Variants in CC2D2A observed in about 807,000 individuals in gnomAD.
CC2D2A encodes coiled-coil and C2 domain-containing protein 2A.
Under a neutral mutation model 212.9 loss-of-function variants are expected in CC2D2A, and 155 were observed. The ratio of observed to expected loss-of-function variants is 0.73; its 90% CI spans 0.64 to 0.83. CC2D2A has a LOEUF of 0.83. Ranked by LOEUF, CC2D2A falls within the 40% of genes least tolerant of loss-of-function variation. CC2D2A has a pLI of 0.00. For missense variants in CC2D2A, 1,856 were observed against 1,956.2 expected (o/e 0.95, Z 0.97); for synonymous variants, 667 against 686.5 (o/e 0.97, Z 0.44).
chr4:15,600,754 T>C (rs1721552286), intron 36 of CC2D2A, among the ~76,000 whole-genome samples: 1 of 151,588 alleles, frequency 6.6e-6, no homozygotes. Flanking sequence ...ATACAAAAAG[T>C]AGCCAGGATG....
intron 11 of CC2D2A, among the ~76,000 whole-genome samples, chr4:15,518,029 G>C (rs948119015): frequency 7.2e-5 from 11 of 152,208 alleles, no homozygotes; most frequent in African/African-American, 2.4e-4. Flanking sequence ...TGAAACCTGG[G>C]AATTGTGGGA....
At position 15,596,074 on chromosome 4, in the gene CC2D2A, GTCTT is replaced by G. The variant is rs926806639; in HGVS notation, c.4315-6_4315-3del. 15 of 1,539,880 alleles carry G rather than the reference GTCTT, an allele frequency of 9.7e-6. No individual in the cohort carries two copies. The highest frequency in any genetic ancestry group is 2.5e-5 in the East Asian group (1 of 40,730). ...CTAACATATATGCTAATGTAGTCTT[GTCTT>G]TCTTAGATTTGGTTTAATATTCAAC... is the stretch of plus-strand genomic sequence containing the variant. On this transcript the variant is annotated splice_polypyrimidine_tract_variant and splice_region_variant and intron_variant, in intron 33 of 36. Coordinates refer to ENST00000424120, the MANE Select transcript of CC2D2A (RefSeq NM_001378615.1).
At chr4:15,522,540 G>T (rs33998592) in intron 11 of CC2D2A, among the ~76,000 whole-genome samples, 44,899 of 151,176 alleles carry the variant, frequency 0.3, 7,527 homozygotes, top group Non-Finnish European at 0.39. Flanking sequence ...GGGGGAAAAG[G>T]GTAGTTTTTA....
intron 4 of CC2D2A, among the ~76,000 whole-genome samples, chr4:15,488,323 G>A (rs1455186540): frequency 6.6e-6 from 1 of 152,080 alleles, no homozygotes; most frequent in Non-Finnish European, 1.5e-5. Flanking sequence ...TAACTTTGCT[G>A]GATATAATAC....
In CC2D2A at chr4:15,597,407, C is replaced by T. The variant is rs794727589; in HGVS notation, c.4438C>T (p.Pro1480Ser). ...LPYPGLSSVQ[P>S]EELIYQRSDK... ...TTCTGAACTATTTTCTCTTCTATAG[C>T]CTGAAGAGCTAATTTACCAGCGCTC... Residue 1480 changes from proline to serine, a missense_variant and splice_region_variant, in exon 35 of 37, where the codon CCT (proline) becomes TCT (serine). Physicochemically the swap from Pro to Ser is moderately conservative, Grantham distance 74 (BLOSUM62 -1). Transcript: ENST00000424120. 1 of 1,549,268 alleles carries T rather than the reference C, an allele frequency of 6.5e-7. No homozygotes were observed. The highest frequency in any genetic ancestry group is 8.7e-7 in the Non-Finnish European group (1 of 1,144,788).
At chr4:15,594,928 G>A (rs1369270799) in intron 33 of CC2D2A, among the ~76,000 whole-genome samples, 2 of 151,626 alleles carry the variant, frequency 1.3e-5, no homozygotes, top group African/African-American at 4.9e-5. Context: ...AGCCTCTCAA[G>A]CATCTAGGAC....
intron 4 of CC2D2A, among the ~76,000 whole-genome samples, chr4:15,497,297 A>T (rs1715675547): frequency 6.6e-6 from 1 of 152,178 alleles, no homozygotes; most frequent in Non-Finnish European, 1.5e-5. Context: ...TTGTTCCTGA[A>T]GTCAAGCTGG....
intron 16 of CC2D2A, among the ~76,000 whole-genome samples, chr4:15,540,421 C>T (rs186714435): frequency 1.9e-3 from 286 of 152,168 alleles, no homozygotes; most frequent in Middle Eastern, 3.4e-3. Context: ...AAAATGAACT[C>T]GATCTAACTG....
chr4:15,512,030 A>C (rs1716595220), intron 8 of CC2D2A, among the ~76,000 whole-genome samples: 1 of 152,260 alleles, frequency 6.6e-6, no homozygotes, highest in Non-Finnish European at 1.5e-5. Context: ...ATACCCCTGC[A>C]CATCCATTAG....
At chr4:15,475,471 G>T (rs1714141103) in intron 1 of CC2D2A, among the ~76,000 whole-genome samples, 2 of 152,114 alleles carry the variant, frequency 1.3e-5, no homozygotes, top group African/African-American at 4.8e-5. Context: ...CATGGGACAT[G>T]GGGGTTCATA....
intron 1 of CC2D2A, chr4:15,473,229 C>T (rs1380903302): frequency 6.6e-6 from 1 of 152,130 alleles, no homozygotes; most frequent in Non-Finnish European, 1.5e-5. Context: ...CAGCTATATT[C>T]TAATGGATAT....
intron 26 of CC2D2A, among the ~76,000 whole-genome samples, chr4:15,568,880 A>G (rs1050747047): frequency 6.6e-6 from 1 of 152,154 alleles, no homozygotes; most frequent in African/African-American, 2.4e-5. Context: ...GAGGTTTATC[A>G]CTGGAGAGTG....
chr4:15,527,708 G>A lies in CC2D2A; in HGVS notation c.1359+52G>A, dbSNP rs572465984. ...TGTCAATGGAGTTGGTTCTTCCAATGAGCCCAAACAATGAAAATTTCTAAC... is the reference window on the plus strand; with the variant it reads ...TGTCAATGGAGTTGGTTCTTCCAATAAGCCCAAACAATGAAAATTTCTAAC... On this transcript the variant is annotated intron_variant, in intron 12 of 36. Transcript: ENST00000424120. The A allele has an allele frequency of 4.3e-6, 6 of 1,396,412 alleles. 1 individual carries two copies. Among genetic ancestry groups the A allele is most frequent in the East Asian group, 4.9e-5 (2 of 40,866 alleles). The allele number at this position is 1,396,412 out of a possible 1,614,324, so 86.5% of individuals were successfully genotyped here.
intron 17 of CC2D2A, among the ~76,000 whole-genome samples, chr4:15,550,481 T>C (rs1718939853): frequency 1.3e-5 from 2 of 152,214 alleles, no homozygotes; most frequent in African/African-American, 4.8e-5. Flanking sequence ...CATTACTGTC[T>C]GAATACAACC....
At chr4:15,596,011 C>A (rs1721302763) in intron 33 of CC2D2A, 74 bp from the exon 34 acceptor site, 2 of 1,087,038 alleles carry the variant, frequency 1.8e-6, no homozygotes, top group Non-Finnish European at 2.5e-6. Context: ...CTATGCCACA[C>A]ATACATCCAT....
Position 15,550,889 on chromosome 4 carries a change from G to A in CC2D2A, c.2247G>A (p.Glu749=). The A allele has an allele frequency of 6.2e-7, 1 of 1,605,928 alleles. No homozygotes were observed. The highest frequency in any genetic ancestry group is 2.2e-5 in the East Asian group (1 of 44,798). The change falls in exon 18 of 37, where the codon GAG becomes GAA. Residue 749 remains glutamate (E), a synonymous_variant. Transcript: ENST00000424120. ...CAGAAGTGTTTCTGCCTATTCCTGA[G>A]ACTACTGTTGTCACTGGAAGGGCTC... ...LLAEVFLPIP[E]TTVVTGRAPT...
At position 15,528,691 on chromosome 4, in the gene CC2D2A, C is replaced by A; in HGVS notation, c.1431C>A (p.Ile477=). 22 of 1,609,954 alleles carry A rather than the reference C, an allele frequency of 1.4e-5. No homozygotes were observed. The highest frequency in any genetic ancestry group is 1.8e-5 in the Non-Finnish European group (21 of 1,178,514). The change falls in exon 13 of 37, where the codon ATC becomes ATA. Residue 477 remains isoleucine, a synonymous_variant. Coordinates refer to ENST00000424120, the MANE Select transcript of CC2D2A (RefSeq NM_001378615.1). The part of the protein sequence containing the change: ...PEKPHQSLDT[I]QKTINEYKSE... ...AACCTCATCAGTCTCTCGATACCATCCAAAAAACCATCAATGAGTATAAAT... is the reference window on the plus strand; with the variant it reads ...AACCTCATCAGTCTCTCGATACCATACAAAAAACCATCAATGAGTATAAAT...
intron 4 of CC2D2A, among the ~76,000 whole-genome samples, chr4:15,493,191 C>A (rs533994121): frequency 6.6e-6 from 1 of 152,286 alleles, no homozygotes; most frequent in East Asian, 1.9e-4. Flanking sequence ...TGATCCCCCA[C>A]TTTCTTCACC....
At chr4:15,511,133 G>T in intron 7 of CC2D2A, 114 bp from the exon 8 acceptor site, 1 of 1,150,812 alleles carries the variant, frequency 8.7e-7, no homozygotes, top group South Asian at 1.7e-5. Flanking sequence ...AATATGCTTC[G>T]GAGGCCTGGA....
Sources: gnomAD v4.1 joint callset for allele counts (sites outside exome capture counted in the v4.1 genomes callset) on GRCh38, gnomAD v4.1.1 for gene constraint, MANE v1.5 for transcripts, NCBI Gene and HGNC (gene_info 2026-07-23, HGNC 2026-07-21) for gene names.